PCDH10: variants seen among roughly 807,000 people sequenced by gnomAD.
PCDH10 encodes protocadherin 10.
PCDH10 carries 15 observed loss-of-function variants against 74.4 expected under a neutral mutation model. That is an observed-to-expected ratio of 0.20 (90% CI 0.13 to 0.31). The LOEUF (loss-of-function observed/expected upper bound fraction) is 0.31, where lower values mean the gene tolerates loss of function less well. Ranked by LOEUF, PCDH10 falls within the 10% of genes least tolerant of loss-of-function variation. The probability of loss-of-function intolerance (pLI) is 1.00; values close to 1 mark genes in which losing one functional copy is unlikely to be tolerated. For synonymous variants in PCDH10, 619 were observed against 589.8 expected, an observed-to-expected ratio of 1.05 and a Z score of -0.72; for missense variants, 1,260 against 1,390.2, an observed-to-expected ratio of 0.91 and a Z score of 1.49.
At chr4:133,176,850 A>G (rs1727305958) in intron 4 of PCDH10, among the ~76,000 whole-genome samples, 1 of 152,250 alleles carries the variant, frequency 6.6e-6, no homozygotes, top group East Asian at 1.9e-4. Context: ...ACTTGGTTAT[A>G]TACAACAGTG....
chr4:133,190,035 G>T, intron 4 of PCDH10, 106 bp from the exon 5 acceptor site: 2 of 902,248 alleles, frequency 2.2e-6, no homozygotes, highest in Middle Eastern at 2.2e-4. Context: ...TTGGTATGAG[G>T]GTACAACTAG....
chr4:133,199,253 A>C (rs1727854281), downstream of PCDH10, among the ~76,000 whole-genome samples: 1 of 150,504 alleles, frequency 6.6e-6, no homozygotes, highest in African/African-American at 2.4e-5. Context: ...GTGTCACTGC[A>C]CTCCAGCCTG....
chr4:133,170,168 A>G (rs940272583), intron 4 of PCDH10, among the ~76,000 whole-genome samples: 2 of 152,076 alleles, frequency 1.3e-5, no homozygotes, highest in Non-Finnish European at 2.9e-5. Flanking sequence ...TAAGCTAGAA[A>G]TGTTGCAGAT....
At chr4:133,161,655 G>A (rs1335626864) in intron 3 of PCDH10, among the ~76,000 whole-genome samples, 5 of 151,696 alleles carry the variant, frequency 3.3e-5, no homozygotes, top group African/African-American at 9.7e-5. Context: ...GCATGGATTC[G>A]AGTTTCTTTT....
Position 133,190,930 on chromosome 4 carries a change from A to C in PCDH10, c.*770A>C, listed in dbSNP as rs1396619744. Reference sequence around the variant, plus strand: ...TCTCCCAATTTCCATATCTTACTCAACCGTGTTTTTCCTTGTTTAAAAGAA... The same window carrying C: ...TCTCCCAATTTCCATATCTTACTCACCCGTGTTTTTCCTTGTTTAAAAGAA... On this transcript the variant is annotated 3_prime_UTR_variant, in exon 5 of 5. Coordinates refer to ENST00000264360, the MANE Select transcript of PCDH10 (RefSeq NM_032961.3). 6.6e-6 allele frequency: 1 copy of C among 152,188 alleles called. No individual in the cohort carries two copies. The highest frequency in any genetic ancestry group is 2.4e-5 in the African/African-American group (1 of 41,376). The allele number at this position is 152,188 out of a possible 1,614,324, so 9.4% of individuals were successfully genotyped here. A position where few individuals can be genotyped will look rare whatever the true frequency, so the allele number is the denominator to read the frequency against.
Position 133,192,348 on chromosome 4 carries a change from G to A in PCDH10, c.*2188G>A, listed in dbSNP as rs1230365812. Reference sequence around the variant, plus strand: ...TTTTTAGCAAGAAAATGATTTTCTTGTTGAGTCACTCTGCTTTAATTAAAA... The same window carrying A: ...TTTTTAGCAAGAAAATGATTTTCTTATTGAGTCACTCTGCTTTAATTAAAA... On this transcript the variant is annotated 3_prime_UTR_variant, in exon 5 of 5. Transcript: ENST00000264360. 1 of 151,460 alleles carries A rather than the reference G, an allele frequency of 6.6e-6. No homozygotes were observed. Among genetic ancestry groups the A allele is most frequent in the Non-Finnish European group, 1.5e-5 (1 of 67,556 alleles). The allele number at this position is 151,460 out of a possible 1,614,324, so 9.4% of individuals were successfully genotyped here. A position where few individuals can be genotyped will look rare whatever the true frequency, so the allele number is the denominator to read the frequency against.
intron 2 of PCDH10, among the ~76,000 whole-genome samples, chr4:133,201,127 A>G (rs1727900577): frequency 6.6e-6 from 1 of 152,194 alleles, no homozygotes; most frequent in South Asian, 2.1e-4. Flanking sequence ...ATCACATTGA[A>G]CAAACTGCTG....
At chr4:133,162,060 G>T (rs919656365) in intron 3 of PCDH10, among the ~76,000 whole-genome samples, 1 of 152,072 alleles carries the variant, frequency 6.6e-6, no homozygotes, top group East Asian at 1.9e-4. Flanking sequence ...GATAATATTT[G>T]TAATCTTGTC....
chr4:133,197,885 C>A (rs371758394), downstream of PCDH10, among the ~76,000 whole-genome samples: 130 of 151,854 alleles, frequency 8.6e-4, 2 homozygotes, highest in African/African-American at 3.0e-3. Context: ...TGTGAGAATT[C>A]TCTTATTCTC....
intron 4 of PCDH10, among the ~76,000 whole-genome samples, chr4:133,172,419 T>A (rs1727220829): frequency 6.6e-6 from 1 of 151,990 alleles, no homozygotes; most frequent in African/African-American, 2.4e-5. Context: ...AGTTTTTTTA[T>A]TTTAAGATTT....
chr4:133,162,157 G>C (rs1203401728), intron 3 of PCDH10, among the ~76,000 whole-genome samples: 1 of 152,146 alleles, frequency 6.6e-6, no homozygotes, highest in Non-Finnish European at 1.5e-5. Flanking sequence ...TTGTTGACTA[G>C]GACAAGTGTG....
intron 3 of PCDH10, among the ~76,000 whole-genome samples, chr4:133,156,857 T>G (rs1578560844): frequency 6.6e-6 from 1 of 152,222 alleles, no homozygotes; most frequent in Non-Finnish European, 1.5e-5. Flanking sequence ...GGAAGATAGA[T>G]GAGAACATAT....
Position 133,190,064 on chromosome 4 carries a change from C to G in PCDH10, c.3104-77C>G. The G allele has an allele frequency of 4.0e-6, 5 of 1,254,776 alleles. No homozygotes were observed. The Middle Eastern group carries it at 7.4e-4, about 186-fold the overall frequency. 77.7% of individuals were successfully genotyped at this position (1,254,776 alleles called of 1,614,324 possible). On this transcript the variant is annotated intron_variant, in intron 4 of 4. Transcript: ENST00000264360. ...CAACTAGTTTCTAACTGTATTCTTT[C>G]TTTTACAATAATGTGTAATTCTAAA...
At chr4:133,200,935 C>G (rs562677288) in intron 2 of PCDH10, among the ~76,000 whole-genome samples, 2 of 152,192 alleles carry the variant, frequency 1.3e-5, no homozygotes, top group East Asian at 1.9e-4. Context: ...TCACCCATAA[C>G]GATGATTCTC....
chr4:133,200,935 C>A lies in PCDH10; in HGVS notation n.438-7141C>A, dbSNP rs562677288. On this transcript the variant is annotated intron_variant and non_coding_transcript_variant, in intron 2 of 2. Coordinates refer to the PCDH10 transcript ENST00000511112. ...CAGTTCTTGCTATGTTCACCCATAACGATGATTCTCTCATATAAGGCACTG... is the reference window on the plus strand; with the variant it reads ...CAGTTCTTGCTATGTTCACCCATAAAGATGATTCTCTCATATAAGGCACTG... Among the ~76,000 whole-genome samples the A allele has an allele frequency of 2.7e-4, 41 of 152,192 alleles. No homozygotes were observed. The South Asian group carries it at 8.1e-3, about 30-fold the overall frequency.
chr4:133,166,559 A>G (rs1259390273), intron 4 of PCDH10, among the ~76,000 whole-genome samples: 1 of 151,520 alleles, frequency 6.6e-6, no homozygotes. Context: ...TAAAGTCAAG[A>G]ATGTAATTGA....
intron 3 of PCDH10, among the ~76,000 whole-genome samples, chr4:133,157,115 CTTA>C (rs1726883431): frequency 1.3e-5 from 2 of 152,048 alleles, no homozygotes; most frequent in Admixed American, 1.3e-4. Context: ...TTTTATGTAT[CTTA>C]TTAGTAGTTA....
Position 133,190,360 on chromosome 4 carries a change from A to G in PCDH10, c.*200A>G, listed in dbSNP as rs552860420. ...TGAGAAATGAGTTGAAATGTGCAGA[A>G]CTGTAGAAACTTTAGAGGCAACAGA... On this transcript the variant is annotated 3_prime_UTR_variant, in exon 5 of 5. Transcript: ENST00000264360. The G allele has an allele frequency of 1.7e-6, 1 of 605,812 alleles. No homozygotes were observed. The highest frequency in any genetic ancestry group is 3.0e-5 in the Admixed American group (1 of 33,290). The allele number at this position is 605,812 out of a possible 1,614,324, so 37.5% of individuals were successfully genotyped here. A position where few individuals can be genotyped will look rare whatever the true frequency, so the allele number is the denominator to read the frequency against.
intron 3 of PCDH10, among the ~76,000 whole-genome samples, chr4:133,159,493 T>G (rs954876979): frequency 6.6e-6 from 1 of 152,020 alleles, no homozygotes; most frequent in Non-Finnish European, 1.5e-5. Flanking sequence ...TTACCAAAAT[T>G]TCAAAACTGA....
Sources: gnomAD v4.1 joint callset for allele counts (sites outside exome capture counted in the v4.1 genomes callset) on GRCh38, gnomAD v4.1.1 for gene constraint, MANE v1.5 for transcripts, NCBI Gene and HGNC (gene_info 2026-07-23, HGNC 2026-07-21) for gene names.